The following ARHGEF12 variants were observed in gnomAD, a reference collection of about 807,000 sequenced individuals.
The protein encoded by ARHGEF12 is Rho guanine nucleotide exchange factor 12, also known as KMT2A/ARHGEF12 fusion protein.
A neutral mutation model predicts 211.2 loss-of-function variants in ARHGEF12; 66 were observed. The ratio of observed to expected loss-of-function variants is 0.31; its 90% CI spans 0.26 to 0.38. The LOEUF (loss-of-function observed/expected upper bound fraction) is 0.38. Among genes scored for constraint, ARHGEF12 ranks in the 10% least tolerant of loss-of-function variants. The pLI, the probability that ARHGEF12 is intolerant of heterozygous loss-of-function variation, is 1.00. For missense variants in ARHGEF12, 1,429 were observed against 1,869.5 expected, an observed-to-expected ratio of 0.76 and a Z score of 4.34; for synonymous variants, 592 against 638.4, an observed-to-expected ratio of 0.93 and a Z score of 1.09.
intron 15 of ARHGEF12, among the ~76,000 whole-genome samples, chr11:120,444,905 AT>A (rs899828118): frequency 3.3e-5 from 5 of 152,166 alleles, no homozygotes; most frequent in African/African-American, 1.2e-4. Context: ...GACATTCAAT[AT>A]TTTCTCACTG....
intron 1 of ARHGEF12, among the ~76,000 whole-genome samples, chr11:120,358,116 AT>A (rs1417227751): frequency 6.6e-6 from 1 of 152,156 alleles, no homozygotes; most frequent in African/African-American, 2.4e-5. Flanking sequence ...GCGTTATGTT[AT>A]AAAAGATTCT....
intron 1 of ARHGEF12, among the ~76,000 whole-genome samples, chr11:120,399,644 A>C (rs1944502604): frequency 6.6e-6 from 1 of 152,142 alleles, no homozygotes; most frequent in African/African-American, 2.4e-5. Context: ...CTGAGATTTC[A>C]GAAATAAAAG....
chr11:120,488,437 T>C lies in ARHGEF12; in HGVS notation c.*3360T>C, dbSNP rs1947453208. ...GTTTTTCCCCCTTATATTACAATTT[T>C]TGTTTTATAAGTCATTTTTTTCCTG... is the stretch of plus-strand genomic sequence containing the variant. On this transcript the variant is annotated 3_prime_UTR_variant, in exon 41 of 41. Coordinates refer to ENST00000397843, the MANE Select transcript of ARHGEF12 (RefSeq NM_015313.3). 4.6e-6 allele frequency: 1 copy of C among 216,496 alleles called. No individual in the cohort carries two copies. The highest frequency in any genetic ancestry group is 1.9e-4 in the South Asian group (1 of 5,372). 13.4% of individuals were successfully genotyped at this position (216,496 alleles called of 1,614,324 possible).
intron 10 of ARHGEF12, among the ~76,000 whole-genome samples, chr11:120,430,943 T>C (rs1207990531): frequency 1.3e-5 from 2 of 152,312 alleles, no homozygotes; most frequent in African/African-American, 4.8e-5. Context: ...GACAGTTTTA[T>C]GTTATTACTA....
chr11:120,436,026 T>C (rs919051379), intron 11 of ARHGEF12, among the ~76,000 whole-genome samples: 17 of 152,332 alleles, frequency 1.1e-4, no homozygotes, highest in African/African-American at 4.1e-4. Flanking sequence ...GGTAAATACT[T>C]CTCTTGATTC....
intron 1 of ARHGEF12, among the ~76,000 whole-genome samples, chr11:120,352,428 G>A (rs1476633305): frequency 2.0e-5 from 3 of 152,124 alleles, no homozygotes; most frequent in Admixed American, 2.0e-4. Context: ...TAAGTAAGTT[G>A]GGTTGCAGTT....
Position 120,480,115 on chromosome 11 carries a change from T to G in ARHGEF12, c.3922T>G (p.Ser1308Ala). 6.2e-7 allele frequency: 1 copy of G among 1,614,166 alleles called. No individual in the cohort carries two copies. Among genetic ancestry groups the G allele is most frequent in the Non-Finnish European group, 8.5e-7 (1 of 1,180,028 alleles). ...QNSENIKAYH[S>A]GEGHMPFRTG... ...CTCTGAAAATATTAAGGCCTATCAT[T>G]CTGGTGAAGGACATATGCCCTTTAG... The change falls in exon 38 of 41, where the codon TCT becomes GCT. Residue 1308 changes from serine (S) to alanine (A), a missense_variant. This residue lies in a region of ARHGEF12 where 467 missense variants were observed against 468.4 expected (regional missense o/e 1.00). Transcript: ENST00000397843.
chr11:120,416,661 C>T (rs982091668), intron 4 of ARHGEF12, among the ~76,000 whole-genome samples: 9 of 152,074 alleles, frequency 5.9e-5, no homozygotes, highest in African/African-American at 2.2e-4. Flanking sequence ...ATAATTGATC[C>T]TCTTTTTTTT....
chr11:120,344,684 C>T (rs534571617), intron 1 of ARHGEF12, among the ~76,000 whole-genome samples: 1 of 152,208 alleles, frequency 6.6e-6, no homozygotes, highest in South Asian at 2.1e-4. Context: ...TTTGTATTGG[C>T]AGGATAGATG....
chr11:120,459,910 G>T (rs1334174989), intron 26 of ARHGEF12, among the ~76,000 whole-genome samples: 2 of 152,156 alleles, frequency 1.3e-5, no homozygotes, highest in Non-Finnish European at 2.9e-5. Flanking sequence ...GTTTCACCAT[G>T]TTGGCCAGGC....
chr11:120,484,481 G>A lies in ARHGEF12; in HGVS notation c.4598G>A (p.Gly1533Glu). ...ACCATTCTTTGCCAAAGGCTGGCTG[G>A]ATCAGCCCTCACAGACAAGCACTCA... ...SYTILCQRLA[G>E]SALTDKHSDK... Residue 1533 changes from glycine to glutamate, a missense_variant, in exon 40 of 41, where the codon GGA becomes GAA. Transcript: ENST00000397843. 1.2e-6 allele frequency: 2 copies of A among 1,614,104 alleles called. No homozygotes were observed. Among genetic ancestry groups the A allele is most frequent in the Non-Finnish European group, 1.7e-6 (2 of 1,180,018 alleles).
intron 1 of ARHGEF12, among the ~76,000 whole-genome samples, chr11:120,367,758 G>A (rs1943470263): frequency 6.6e-6 from 1 of 152,124 alleles, no homozygotes; most frequent in Admixed American, 6.5e-5. Context: ...ATTGCTTAAG[G>A]TCAGGTGTTT....
chr11:120,453,365 G>T, intron 22 of ARHGEF12, among the ~76,000 whole-genome samples: 1 of 152,124 alleles, frequency 6.6e-6, no homozygotes, highest in Non-Finnish European at 1.5e-5. Context: ...AGTAGAGGAA[G>T]GGAATGTGTT....
chr11:120,377,841 G>A (rs901140860), intron 1 of ARHGEF12, among the ~76,000 whole-genome samples: 7 of 152,096 alleles, frequency 4.6e-5, no homozygotes, highest in African/African-American at 1.4e-4. Flanking sequence ...GTAAGTTTTT[G>A]TGTGGCATAT....
Position 120,429,728 on chromosome 11 carries a change from A to G in ARHGEF12, c.680A>G (p.Tyr227Cys). The G allele has an allele frequency of 6.2e-7, 1 of 1,612,936 alleles. No individual in the cohort carries two copies. The part of the protein sequence containing the change: ...QERLQLLQED[Y>C]NRTPAQRLLK... The stretch of plus-strand genomic sequence containing the variant: ...ACTTTTCAGTTATTGCAGGAAGATT[A>G]CAACCGAACACCTGCCCAAAGATTG... The change falls in exon 10 of 41, where the codon TAC (tyrosine) becomes TGC (cysteine). Residue 227 changes from tyrosine to cysteine, a missense_variant. By Grantham distance (194) the Tyr-to-Cys change is radical. Transcript: ENST00000397843.
chr11:120,435,873 T>C (rs550017222), intron 11 of ARHGEF12, among the ~76,000 whole-genome samples: 1 of 152,270 alleles, frequency 6.6e-6, no homozygotes, highest in African/African-American at 2.4e-5. Flanking sequence ...CCTAGATCCA[T>C]TGTTTAATTC....
intron 10 of ARHGEF12, among the ~76,000 whole-genome samples, chr11:120,430,111 G>GAT (rs942689963): frequency 4.3e-4 from 65 of 151,208 alleles, no homozygotes; most frequent in African/African-American, 9.4e-4. Flanking sequence ...AATGTATTTA[G>GAT]ATATATATAT....
intron 32 of ARHGEF12, 46 bp downstream of exon 32, chr11:120,474,681 G>C: frequency 8.8e-6 from 13 of 1,471,612 alleles, no homozygotes; most frequent in Non-Finnish European, 1.2e-5. Flanking sequence ...TGGCAAAAGG[G>C]AAGGAATAGG....
chr11:120,421,775 C>T (rs769515415), intron 5 of ARHGEF12, 28 bp from the exon 6 acceptor site: 2 of 1,602,940 alleles, frequency 1.2e-6, no homozygotes, highest in Non-Finnish European at 1.7e-6. Context: ...AAATGAATCA[C>T]ATTTTAAGCA....
Sources: gnomAD v4.1 joint callset for allele counts (sites outside exome capture counted in the v4.1 genomes callset) on GRCh38, gnomAD v4.1.1 for gene constraint, gnomAD v4.1.1 regional missense constraint, MANE v1.5 for transcripts, NCBI Gene and HGNC (gene_info 2026-07-23, HGNC 2026-07-21) for gene names.